GSE1: variants seen among roughly 807,000 people sequenced by gnomAD.
The protein encoded by GSE1 is Gse1 coiled-coil protein.
Under a neutral mutation model 112.6 loss-of-function variants are expected in GSE1, and 32 were observed. The observed-to-expected ratio is 0.28, with a 90% CI of 0.21 to 0.38. GSE1 has a LOEUF of 0.38. Among genes scored for constraint, GSE1 ranks in the 10% least tolerant of loss-of-function variants. GSE1 has a pLI of 1.00. For missense variants in GSE1, 2,348 were observed against 1,699.2 expected (o/e 1.38, Z -6.71); for synonymous variants, 1,115 against 735.6 (o/e 1.52, Z -8.35).
chr16:85,660,555 C>G (rs913203443), intron 8 of GSE1, among the ~76,000 whole-genome samples: 18 of 152,272 alleles, frequency 1.2e-4, no homozygotes, highest in Middle Eastern at 6.8e-3. Flanking sequence ...TGGAGAAGCG[C>G]TTGAACCTGG....
At chr16:85,253,925 C>G (rs1200907254) in intron 1 of GSE1, among the ~76,000 whole-genome samples, 2 of 152,146 alleles carry the variant, frequency 1.3e-5, no homozygotes, top group Non-Finnish European at 2.9e-5. Flanking sequence ...GCGGCACAGA[C>G]TGGGTGCTGT....
At chr16:85,508,402 C>G (rs764606992) in intron 2 of GSE1, among the ~76,000 whole-genome samples, 34 of 152,194 alleles carry the variant, frequency 2.2e-4, no homozygotes, top group Non-Finnish European at 2.6e-4. Context: ...TACCTAGCCC[C>G]TGCTCTGTTT....
chr16:85,399,342 G>A (rs897474596), intron 2 of GSE1, among the ~76,000 whole-genome samples: 9 of 152,180 alleles, frequency 5.9e-5, no homozygotes, highest in Admixed American at 1.3e-4. Context: ...TGGAAAGGTG[G>A]GCTTCCGGGG....
At position 85,188,513 on chromosome 16, in the gene GSE1, A is replaced by G. The variant is rs138513748; in HGVS notation, c.2283+16706A>G. ...GGAGGGCTACTTTTTAGGTCAGGTT[A>G]TGGGAAAGAGCTAGGGGAGGCCAGG... On this transcript the variant is annotated intron_variant, in intron 1 of 2. Coordinates refer to the GSE1 transcript ENST00000637419. Among the ~76,000 whole-genome samples, 383 of 152,178 alleles carry G rather than the reference A, an allele frequency of 2.5e-3. 2 individuals carry two copies. The highest frequency in any genetic ancestry group is 8.6e-3 in the African/African-American group (356 of 41,522).
intron 1 of GSE1, among the ~76,000 whole-genome samples, chr16:85,579,213 C>G (rs886635080): frequency 1.3e-5 from 2 of 152,094 alleles, no homozygotes; most frequent in Admixed American, 6.5e-5. Flanking sequence ...GGAGGGGACC[C>G]TCCCCTCTGG....
chr16:85,533,154 T>G (rs1444292160), intron 2 of GSE1, among the ~76,000 whole-genome samples: 1 of 152,134 alleles, frequency 6.6e-6, no homozygotes, highest in East Asian at 1.9e-4. Context: ...GGCTCACGCC[T>G]GTAATCCCAG....
At chr16:85,344,616 C>T (rs866611392) in intron 1 of GSE1, among the ~76,000 whole-genome samples, 1 of 152,260 alleles carries the variant, frequency 6.6e-6, no homozygotes, top group Non-Finnish European at 1.5e-5. Context: ...ACAACACAGA[C>T]TCATTGGCCC....
intron 2 of GSE1, among the ~76,000 whole-genome samples, chr16:85,361,473 G>A (rs555632202): frequency 7.2e-5 from 11 of 152,106 alleles, no homozygotes; most frequent in African/African-American, 1.2e-4. Context: ...TCCAGGCCAC[G>A]GCCTCAGGGG....
chr16:85,508,942 A>G (rs1012003584), intron 2 of GSE1, among the ~76,000 whole-genome samples: 1 of 152,182 alleles, frequency 6.6e-6, no homozygotes, highest in South Asian at 2.1e-4. Flanking sequence ...TCGTTGGACA[A>G]CAGCGCTGCT....
chr16:85,661,655 C>T lies in GSE1; in HGVS notation c.2150C>T (p.Pro717Leu). Residue 717 changes from proline to leucine, a missense_variant, in exon 9 of 16, where the codon CCA (proline) becomes CTA (leucine). Transcript: ENST00000253458. ...KPGSPYRPPV[P>L]RAPDPAYIYD... ...GGCTCGCCCTACCGGCCCCCAGTGC[C>T]ACGGGCCCCCGACCCTGCCTACATC... is the stretch of plus-strand genomic sequence containing the variant. The T allele has an allele frequency of 3.1e-6, 5 of 1,611,158 alleles. No homozygotes were observed. The highest frequency in any genetic ancestry group is 3.4e-6 in the Non-Finnish European group (4 of 1,179,396).
exon 1 of GSE1, chr16:85,169,701 G>A (rs2074328192): frequency 1.0e-6 from 1 of 983,436 alleles, no homozygotes; most frequent in African/African-American, 1.8e-5. Context: ...CCCCGGCGCA[G>A]CCCTTCTTCC....
intron 1 of GSE1, among the ~76,000 whole-genome samples, chr16:85,576,936 A>AGGCCCTTCCCTGAATGCAGGCC (rs1293006287): frequency 6.6e-6 from 1 of 152,184 alleles, no homozygotes; most frequent in Non-Finnish European, 1.5e-5. Context: ...AAGAGCAGGC[A>AGGCCCTTCCCTGAATGCAGGCC]GGCCCTTCCC....
chr16:85,635,138 C>G (rs775875086), intron 2 of GSE1, among the ~76,000 whole-genome samples: 8 of 152,186 alleles, frequency 5.3e-5, no homozygotes, highest in African/African-American at 9.7e-5. Context: ...CCAGGGCGGG[C>G]TGGGGGGACT....
intron 2 of GSE1, among the ~76,000 whole-genome samples, chr16:85,527,166 G>A (rs527796372): frequency 2.0e-5 from 3 of 152,326 alleles, no homozygotes; most frequent in East Asian, 1.9e-4. Flanking sequence ...GCTGCAGCGA[G>A]GCCTGTCATG....
chr16:85,338,950 A>G (rs904113666), intron 1 of GSE1, among the ~76,000 whole-genome samples: 22 of 152,188 alleles, frequency 1.4e-4, no homozygotes, highest in African/African-American at 5.3e-4. Context: ...AGGCAGAAGC[A>G]TGGGGCATCT....
rs2047660243 is a variant in GSE1 at position 85,385,181 on chromosome 16, C to T, written c.2464+27538C>T. On this transcript the variant is annotated intron_variant, in intron 2 of 2. Transcript: ENST00000637419. Reference sequence around the variant, plus strand: ...TGGGATGGGTGCCTGGGGCAGGGCACCCGCAGCAGGTGTTTTGGGGTGGGT... The same window carrying T: ...TGGGATGGGTGCCTGGGGCAGGGCATCCGCAGCAGGTGTTTTGGGGTGGGT... Among the ~76,000 whole-genome samples, 6 of 152,226 alleles carry T rather than the reference C, an allele frequency of 3.9e-5. No individual in the cohort carries two copies. The South Asian group carries it at 1.2e-3, about 31-fold the overall frequency.
chr16:85,372,700 C>A (rs937187182), intron 2 of GSE1, among the ~76,000 whole-genome samples: 1 of 152,032 alleles, frequency 6.6e-6, no homozygotes, highest in Non-Finnish European at 1.5e-5. Flanking sequence ...ATTCCAGATC[C>A]CAGTTCCTCC....
intron 2 of GSE1, among the ~76,000 whole-genome samples, chr16:85,474,724 C>T (rs569168118): frequency 6.6e-6 from 1 of 151,142 alleles, no homozygotes; most frequent in East Asian, 2.0e-4. Flanking sequence ...TCTCCCCACT[C>T]CCACCTTCTC....
At chr16:85,409,693 C>T (rs78033473) in intron 2 of GSE1, among the ~76,000 whole-genome samples, 8 of 4,252 alleles carry the variant, frequency 1.9e-3, no homozygotes, top group Admixed American at 5.0e-3. Flanking sequence ...TAATCCTCAC[C>T]GTTACACTCA....
Sources: allele counts gnomAD v4.1 joint callset (sites outside exome capture counted in the v4.1 genomes callset), GRCh38; gene constraint gnomAD v4.1.1; transcripts MANE v1.5; gene names NCBI Gene and HGNC (gene_info 2026-07-23, HGNC 2026-07-21).